SH2D4A: variants seen among roughly 807,000 people sequenced by gnomAD.
The protein encoded by SH2D4A is SH2 domain containing 4A.
SH2D4A carries 70 observed loss-of-function variants against 64.7 expected under a neutral mutation model. The observed-to-expected ratio is 1.08, with a 90% CI of 0.89 to 1.32. SH2D4A has a LOEUF of 1.32. Among genes scored for constraint, SH2D4A ranks in the 40% most tolerant of loss-of-function variants. SH2D4A has a pLI of 0.00. For synonymous variants in SH2D4A, 268 were observed against 200.7 expected, an observed-to-expected ratio of 1.34 and a Z score of -2.83; for missense variants, 706 against 540.1, an observed-to-expected ratio of 1.31 and a Z score of -3.04.
At chr8:19,378,265 T>C (rs2053229429) in intron 8 of SH2D4A, among the ~76,000 whole-genome samples, 1 of 152,196 alleles carries the variant, frequency 6.6e-6, no homozygotes, top group South Asian at 2.1e-4. Context: ...GGGAGATAAG[T>C]TTTTCATTTC....
At chr8:19,336,368 T>G (rs1347410666) in intron 4 of SH2D4A, among the ~76,000 whole-genome samples, 1 of 151,874 alleles carries the variant, frequency 6.6e-6, no homozygotes, top group Non-Finnish European at 1.5e-5. Context: ...GAAGAGAAAA[T>G]TCTAAATTTG....
At chr8:19,383,891 C>T (rs2053341447) in intron 8 of SH2D4A, among the ~76,000 whole-genome samples, 1 of 152,084 alleles carries the variant, frequency 6.6e-6, no homozygotes, top group Non-Finnish European at 1.5e-5. Flanking sequence ...GGATTTTCTT[C>T]TCTGTAAAAT....
chr8:19,370,290 A>G (rs897813479), intron 7 of SH2D4A, among the ~76,000 whole-genome samples: 14 of 151,982 alleles, frequency 9.2e-5, no homozygotes, highest in African/African-American at 3.4e-4. Context: ...GTGTGGTTTA[A>G]TTGTTGATTT....
intron 1 of SH2D4A, 50 bp from the exon 2 acceptor site, chr8:19,319,294 G>A: frequency 3.5e-6 from 4 of 1,155,696 alleles, no homozygotes; most frequent in Non-Finnish European, 4.3e-6. Flanking sequence ...CCTAGCCAGT[G>A]TCCACACATT....
chr8:19,364,492 GTTATAC>G (rs781297655), intron 7 of SH2D4A, among the ~76,000 whole-genome samples: 76 of 152,100 alleles, frequency 5.0e-4, no homozygotes, highest in Non-Finnish European at 7.2e-4. Flanking sequence ...GTCCATAGCT[GTTATAC>G]TTAGTATACC....
In SH2D4A at chr8:19,358,567, G is replaced by T. The variant is rs376422145; in HGVS notation, c.594+1284G>T. 1.6e-4 allele frequency among the ~76,000 whole-genome samples: 24 copies of T among 152,290 alleles called. No individual in the cohort carries two copies. The East Asian group carries it at 4.6e-3, about 29-fold the overall frequency. Reference sequence around the variant, plus strand: ...CTAAGCCATGTGGATGTCTGTTCCAGGCAGAGGGAACAGCAAGTCAAAGAC... The same window carrying T: ...CTAAGCCATGTGGATGTCTGTTCCATGCAGAGGGAACAGCAAGTCAAAGAC... On this transcript the variant is annotated intron_variant, in intron 5 of 9. Transcript: ENST00000265807.
At chr8:19,389,300 C>A (rs970618362) in intron 8 of SH2D4A, among the ~76,000 whole-genome samples, 5 of 152,278 alleles carry the variant, frequency 3.3e-5, no homozygotes, top group East Asian at 1.9e-4. Context: ...TTCCCCGGGG[C>A]CTTTCCTGGG....
At chr8:19,374,604 A>ACAGGCTTTC (rs1251262572) in intron 8 of SH2D4A, among the ~76,000 whole-genome samples, 1 of 152,236 alleles carries the variant, frequency 6.6e-6, no homozygotes, top group Admixed American at 6.5e-5. Context: ...GCTATTTGTG[A>ACAGGCTTTC]CAGGCTTTCT....
chr8:19,343,856 G>A (rs928893121), intron 4 of SH2D4A, among the ~76,000 whole-genome samples: 1 of 152,208 alleles, frequency 6.6e-6, no homozygotes, highest in East Asian at 1.9e-4. Context: ...TCACGTTCTA[G>A]GAGGCCAGTG....
intron 4 of SH2D4A, among the ~76,000 whole-genome samples, chr8:19,353,265 C>G (rs2052735392): frequency 6.6e-6 from 1 of 152,040 alleles, no homozygotes; most frequent in Non-Finnish European, 1.5e-5. Context: ...AAAGCCTCTT[C>G]ATCCTGCCTC....
At chr8:19,359,821 C>T (rs2052851158) in intron 5 of SH2D4A, among the ~76,000 whole-genome samples, 1 of 151,222 alleles carries the variant, frequency 6.6e-6, no homozygotes, top group Admixed American at 6.6e-5. Context: ...ACAAGTTTCA[C>T]AATATTAATG....
At chr8:19,314,393 C>A (rs574857806) in intron 1 of SH2D4A, among the ~76,000 whole-genome samples, 1 of 152,154 alleles carries the variant, frequency 6.6e-6, no homozygotes, top group Non-Finnish European at 1.5e-5. Context: ...GGGGCGCCCC[C>A]ACGTGGGGTC....
Position 19,394,652 on chromosome 8 carries a change from T to C in SH2D4A, c.*10T>C. Reference sequence around the variant, plus strand: ...GGAGCTGTTTGAGTGACAGCCTCCATCAGGGTCATCCTACAGCCTCCAAGC... The same window carrying C: ...GGAGCTGTTTGAGTGACAGCCTCCACCAGGGTCATCCTACAGCCTCCAAGC... On this transcript the variant is annotated 3_prime_UTR_variant, in exon 10 of 10. Coordinates refer to ENST00000265807, the MANE Select transcript of SH2D4A (RefSeq NM_022071.4). 4 of 1,597,902 alleles carry C rather than the reference T, an allele frequency of 2.5e-6. No homozygotes were observed. The highest frequency in any genetic ancestry group is 3.4e-6 in the Non-Finnish European group (4 of 1,169,644).
intron 1 of SH2D4A, among the ~76,000 whole-genome samples, chr8:19,317,822 G>A (rs879046218): frequency 1.3e-5 from 2 of 152,150 alleles, no homozygotes; most frequent in Non-Finnish European, 2.9e-5. Flanking sequence ...GAGAAACAAC[G>A]TATTTGAGAG....
At chr8:19,370,686 T>C (rs10105819) in intron 7 of SH2D4A, among the ~76,000 whole-genome samples, 20,532 of 152,154 alleles carry the variant, frequency 0.13, 2,374 homozygotes, top group African/African-American at 0.32. Context: ...TCATTTTTAT[T>C]TAGCCACTCT....
At position 19,330,324 on chromosome 8, in the gene SH2D4A, A is replaced by C. The variant is rs76267188; in HGVS notation, c.182-2631A>C. On this transcript the variant is annotated intron_variant, in intron 2 of 9. Transcript: ENST00000265807. ...TATCCCCACTCTCTGAGCTCATTGA[A>C]GAGCTCTTAGAGGTGAAAAGTCAGC... 6.2e-3 allele frequency among the ~76,000 whole-genome samples: 951 copies of C among 152,280 alleles called. 9 individuals are homozygous for C. The highest frequency in any genetic ancestry group is 0.022 in the African/African-American group (895 of 41,536).
chr8:19,338,724 A>T (rs995097252), intron 4 of SH2D4A, among the ~76,000 whole-genome samples: 1 of 152,190 alleles, frequency 6.6e-6, no homozygotes, highest in Admixed American at 6.5e-5. Context: ...TGTTGGCCCA[A>T]GGTTGGGTCT....
rs77184023 is a variant in SH2D4A, at chr8:19,381,960, T to C, written c.1048+8300T>C. On this transcript the variant is annotated intron_variant, in intron 8 of 9. Transcript: ENST00000265807. ...TGTTACATTGATCGATTTTCATATA[T>C]TGTACCATCTTGCATTCCTCCTACT... Among the ~76,000 whole-genome samples, 1,031 of 152,284 alleles carry C rather than the reference T, an allele frequency of 6.8e-3. 8 individuals are homozygous for C. Among genetic ancestry groups the C allele is most frequent in the Middle Eastern group, 0.01 (3 of 294 alleles).
At position 19,319,486 on chromosome 8, in the gene SH2D4A, A is replaced by T; in HGVS notation, c.-62A>T. 1 of 1,407,300 alleles carries T rather than the reference A, an allele frequency of 7.1e-7. No homozygotes were observed. Among genetic ancestry groups the T allele is most frequent in the Non-Finnish European group, 9.3e-7 (1 of 1,075,276 alleles). The allele number at this position is 1,407,300 out of a possible 1,614,324, so 87.2% of individuals were successfully genotyped here. The stretch of plus-strand genomic sequence containing the variant: ...CCCAAGTGCCAGCACAGGTGGAGGG[A>T]CACCTGGAGGCCAGTTTCAGGAACT... On this transcript the variant is annotated 5_prime_UTR_variant, in exon 2 of 10. Coordinates refer to ENST00000265807, the MANE Select transcript of SH2D4A (RefSeq NM_022071.4).
Sources: gnomAD v4.1 joint callset for allele counts (sites outside exome capture counted in the v4.1 genomes callset) on GRCh38, gnomAD v4.1.1 for gene constraint, MANE v1.5 for transcripts, NCBI Gene and HGNC (gene_info 2026-07-23, HGNC 2026-07-21) for gene names.